The following OSTM1 variants were observed in gnomAD, a reference collection of about 807,000 sequenced individuals.
The protein encoded by OSTM1 is osteopetrosis-associated transmembrane protein 1.
A neutral mutation model predicts 35.4 loss-of-function variants in OSTM1; 26 were observed. The ratio of observed to expected loss-of-function variants is 0.73; its 90% CI spans 0.54 to 1.02. The LOEUF is 1.02. Ranked by LOEUF, OSTM1 falls within the 50% of genes least tolerant of loss-of-function variation. The pLI is 0.00. For missense variants in OSTM1, 366 were observed against 409.6 expected, an observed-to-expected ratio of 0.89 and a Z score of 0.92; for synonymous variants, 181 against 165.0, an observed-to-expected ratio of 1.10 and a Z score of -0.75.
intron 2 of OSTM1, among the ~76,000 whole-genome samples, chr6:108,063,163 C>T (rs1772312510): frequency 6.6e-6 from 1 of 152,134 alleles, no homozygotes; most frequent in Non-Finnish European, 1.5e-5. Context: ...CAGTCACACA[C>T]CACCATGTCC....
chr6:108,067,971 GTCC>G (rs928915178), intron 1 of OSTM1, among the ~76,000 whole-genome samples: 1 of 151,620 alleles, frequency 6.6e-6, no homozygotes, highest in Non-Finnish European at 1.5e-5. Flanking sequence ...CTCTTCCCAT[GTCC>G]TCATCTTCCA....
chr6:108,046,606 A>G (rs943481548), intron 5 of OSTM1, among the ~76,000 whole-genome samples: 1 of 151,718 alleles, frequency 6.6e-6, no homozygotes, highest in Middle Eastern at 3.2e-3. Context: ...CGGCCTCCCA[A>G]AGTGCTGGGA....
chr6:108,065,060 T>C (rs779718734), intron 1 of OSTM1, among the ~76,000 whole-genome samples: 15 of 151,926 alleles, frequency 9.9e-5, no homozygotes, highest in Non-Finnish European at 1.3e-4. Context: ...GGTTTCACTA[T>C]GTTGGCCAGG....
intron 1 of OSTM1, among the ~76,000 whole-genome samples, chr6:108,066,226 A>C (rs951515545): frequency 6.6e-6 from 1 of 152,172 alleles, no homozygotes; most frequent in Non-Finnish European, 1.5e-5. Flanking sequence ...CGTGATATGT[A>C]GGGTGAGGAG....
At chr6:108,059,331 T>C (rs951628695) in intron 2 of OSTM1, among the ~76,000 whole-genome samples, 2 of 152,184 alleles carry the variant, frequency 1.3e-5, no homozygotes, top group Admixed American at 6.5e-5. Flanking sequence ...GTAGTATGAG[T>C]AGAAAAAGTT....
At chr6:108,069,902 CT>C (rs1470705855) in intron 1 of OSTM1, among the ~76,000 whole-genome samples, 1 of 152,110 alleles carries the variant, frequency 6.6e-6, no homozygotes, top group African/African-American at 2.4e-5. Flanking sequence ...GGCTTTGATT[CT>C]TTTTTTCTCC....
At chr6:108,072,582 G>A (rs1343230394) in intron 1 of OSTM1, among the ~76,000 whole-genome samples, 1 of 150,088 alleles carries the variant, frequency 6.7e-6, no homozygotes, top group Non-Finnish European at 1.5e-5. Flanking sequence ...GCAGTGAGCC[G>A]AGATGACACC....
At chr6:108,052,125 T>C (rs573043711) in intron 3 of OSTM1, among the ~76,000 whole-genome samples, 1 of 152,258 alleles carries the variant, frequency 6.6e-6, no homozygotes, top group East Asian at 1.9e-4. Context: ...ACAGAACAAT[T>C]GTGCACTTAG....
intron 1 of OSTM1, 64 bp from the exon 2 acceptor site, chr6:108,064,363 G>T: frequency 1.2e-6 from 1 of 860,944 alleles, no homozygotes; most frequent in African/African-American, 1.6e-5. Context: ...AACAACTTGA[G>T]GCAAAAACCT....
chr6:108,067,828 T>TAAAAA (rs60932026), intron 1 of OSTM1, among the ~76,000 whole-genome samples: 12,747 of 77,266 alleles, frequency 0.16, 1,163 homozygotes, highest in Non-Finnish European at 0.22. Flanking sequence ...AGCCTCTGTC[T>TAAAAA]AAAAAAAAAA....
Position 108,045,596 on chromosome 6 carries a change from C to G in OSTM1, c.950-756G>C, listed in dbSNP as rs762506250. 2.0e-5 allele frequency among the ~76,000 whole-genome samples: 3 copies of G among 151,556 alleles called. No individual in the cohort carries two copies. The South Asian group carries it at 6.3e-4, about 32-fold the overall frequency. ...ATTGTAAAAAAAAAATTTTAATGAT[C>G]CTCAAAGAAAAGTGAGTTTTATGTT... On this transcript the variant is annotated intron_variant, in intron 5 of 5. Coordinates refer to ENST00000193322, the MANE Select transcript of OSTM1 (RefSeq NM_014028.4).
chr6:108,049,251 AC>A lies in OSTM1; in HGVS notation c.949+1del. 4 of 1,601,042 alleles carry A rather than the reference AC, an allele frequency of 2.5e-6. No homozygotes were observed. Among genetic ancestry groups the A allele is most frequent in the Non-Finnish European group, 2.6e-6 (3 of 1,169,342 alleles). On this transcript the variant is annotated splice_donor_variant, in intron 5 of 5. Transcript: ENST00000193322. LOFTEE classifies it high-confidence loss of function. ...TAAAATAAATAATTGTAAAAAACTT[AC>A]GCAGAATGAGTTTGCGTTTCTTTTG...
At chr6:108,048,749 CT>C (rs575605197) in intron 5 of OSTM1, among the ~76,000 whole-genome samples, 154 of 111,770 alleles carry the variant, frequency 1.4e-3, no homozygotes, top group Non-Finnish European at 1.9e-3. Context: ...TGTGTTTTAA[CT>C]TTTTTTTTTT....
chr6:108,059,904 A>T (rs1260853655), intron 2 of OSTM1, among the ~76,000 whole-genome samples: 1 of 152,202 alleles, frequency 6.6e-6, no homozygotes, highest in Non-Finnish European at 1.5e-5. Flanking sequence ...TAATCTCTCT[A>T]ACCACATCTA....
intron 5 of OSTM1, 94 bp downstream of exon 5, chr6:108,049,159 T>C (rs1772032017): frequency 2.5e-6 from 2 of 804,652 alleles, no homozygotes; most frequent in African/African-American, 3.5e-5. Flanking sequence ...CTAATCTACT[T>C]TGAGTTCTCA....
In OSTM1 at chr6:108,054,517, G is replaced by A; in HGVS notation, c.588C>T (p.Thr196=). The A allele has an allele frequency of 6.5e-7, 1 of 1,541,440 alleles. No individual in the cohort carries two copies. Among genetic ancestry groups the A allele is most frequent in the South Asian group, 1.1e-5 (1 of 88,218 alleles). Residue 196 remains threonine (T), a synonymous_variant, in exon 3 of 6, where the codon ACC becomes ACT. Coordinates refer to ENST00000193322, the MANE Select transcript of OSTM1 (RefSeq NM_014028.4). ...GAAGGTTATGTTCAAAGCAGGTCAG[G>A]GTGTGATTAAATAGATTAAGGAAAT... ...TVYFLNLFNH[T]LTCFEHNLQG...
At chr6:108,065,260 G>A (rs1772357611) in intron 1 of OSTM1, among the ~76,000 whole-genome samples, 1 of 140,930 alleles carries the variant, frequency 7.1e-6, no homozygotes, top group Admixed American at 7.4e-5. Context: ...TTTTTTTTGA[G>A]ATGGAGTCTC....
At chr6:108,072,955 C>T (rs536480598) in intron 1 of OSTM1, among the ~76,000 whole-genome samples, 215 of 152,152 alleles carry the variant, frequency 1.4e-3, no homozygotes, top group Non-Finnish European at 2.5e-3. Context: ...ACTACAGGCA[C>T]GTGCCACCAC....
At chr6:108,053,725 C>T (rs1772122551) in intron 3 of OSTM1, among the ~76,000 whole-genome samples, 1 of 152,154 alleles carries the variant, frequency 6.6e-6, no homozygotes, top group Non-Finnish European at 1.5e-5. Context: ...CTTGGCCTCC[C>T]AAGGTGCTGG....
Sources: allele counts gnomAD v4.1 joint callset (sites outside exome capture counted in the v4.1 genomes callset), GRCh38; gene constraint gnomAD v4.1.1; transcripts MANE v1.5; gene names NCBI Gene and HGNC (gene_info 2026-07-23, HGNC 2026-07-21).